UBA5: variants seen among roughly 807,000 people sequenced by gnomAD.
UBA5 encodes ubiquitin-like modifier-activating enzyme 5.
In UBA5, 28 loss-of-function variants were observed where a neutral mutation model predicts 52.9. The ratio of observed to expected loss-of-function variants is 0.53; its 90% confidence interval spans 0.39 to 0.73. The LOEUF (loss-of-function observed/expected upper bound fraction) is 0.73. Ranked by LOEUF, UBA5 falls within the 30% of genes least tolerant of loss-of-function variation. UBA5 has a pLI of 0.00. For synonymous variants in UBA5, 135 were observed against 162.1 expected, an observed-to-expected ratio of 0.83 and a Z score of 1.27; for missense variants, 388 against 492.7, an observed-to-expected ratio of 0.79 and a Z score of 2.01.
chr3:132,657,287 T>C (rs1004100260), upstream of UBA5, among the ~76,000 whole-genome samples: 2 of 152,232 alleles, frequency 1.3e-5, no homozygotes, highest in African/African-American at 2.4e-5. Flanking sequence ...CAAACTTCTA[T>C]AAATATGTGG....
chr3:132,655,318 G>GTTGT (rs746103556), intron 1 of UBA5, among the ~76,000 whole-genome samples: 1 of 150,906 alleles, frequency 6.6e-6, no homozygotes, highest in Non-Finnish European at 1.5e-5. Context: ...TTTTGTTGTT[G>GTTGT]TTGTTTGTTT....
chr3:132,675,534 T>A, intron 9 of UBA5, 71 bp from the exon 10 acceptor site: 1 of 1,524,126 alleles, frequency 6.6e-7, no homozygotes, highest in Non-Finnish European at 8.9e-7. Context: ...AAAGCCTGTC[T>A]GAATTCTTGA....
At chr3:132,670,885 G>C in intron 5 of UBA5, 80 bp from the exon 6 acceptor site, 2 of 922,954 alleles carry the variant, frequency 2.2e-6, no homozygotes, top group South Asian at 3.0e-5. Context: ...AAGAATAAGT[G>C]TTGGACTGAA....
chr3:132,666,254 A>G (rs1938375424), intron 3 of UBA5, 181 bp downstream of exon 3: 1 of 566,076 alleles, frequency 1.8e-6, no homozygotes, highest in Non-Finnish European at 3.1e-6. Flanking sequence ...ATATTAGACA[A>G]AGATTGTCTA....
Position 132,676,360 on chromosome 3 carries a change from C to G in UBA5, c.1132-83C>G. On this transcript the variant is annotated intron_variant, in intron 11 of 11. Transcript: ENST00000356232. The surrounding 1 kb of genome is among the most constrained non-coding windows in gnomAD (Gnocchi z 4.1). ...ACTTTATAACCTTGTTGAGCATGGT[C>G]AAAACTTGCTGATTATATATTCCTA... The G allele has an allele frequency of 9.0e-7, 1 of 1,117,018 alleles. No homozygotes were observed. The highest frequency in any genetic ancestry group is 1.3e-6 in the Non-Finnish European group (1 of 763,786). The allele number at this position is 1,117,018 out of a possible 1,614,324, so 69.2% of individuals were successfully genotyped here.
At chr3:132,657,105 C>A (rs1317562293), upstream of UBA5, among the ~76,000 whole-genome samples, 2 of 152,166 alleles carry the variant, frequency 1.3e-5, no homozygotes, top group Non-Finnish European at 2.9e-5. Context: ...ATAACTTACA[C>A]ATCTTCCAAA....
chr3:132,670,852 A>G (rs1463221275), intron 5 of UBA5, 113 bp from the exon 6 acceptor site: 2 of 602,298 alleles, frequency 3.3e-6, no homozygotes, highest in Non-Finnish European at 5.6e-6. Context: ...ATTATGTAAT[A>G]ATTATAGTCA....
chr3:132,661,116 G>A (rs955236624), intron 1 of UBA5: 10 of 1,246,670 alleles, frequency 8.0e-6, no homozygotes, highest in Non-Finnish European at 1.1e-5. Context: ...GGGAGAGCGG[G>A]GTTAGCTCTA....
upstream of UBA5, chr3:132,659,667 G>A (rs144740482): frequency 6.2e-7 from 1 of 1,611,824 alleles, no homozygotes; most frequent in South Asian, 1.1e-5. Flanking sequence ...TGCTGGTTTA[G>A]GTAGGCCTCC....
At chr3:132,659,503 A>C (rs1202102649), upstream of UBA5, 21 of 1,539,458 alleles carry the variant, frequency 1.4e-5, no homozygotes, top group Non-Finnish European at 1.8e-5. Flanking sequence ...CAGGAAAAGC[A>C]ATCAGGGTGG....
Position 132,671,832 on chromosome 3 carries a change from T to C in UBA5, c.635T>C (p.Val212Ala). 6.2e-7 allele frequency: 1 copy of C among 1,613,904 alleles called. No homozygotes were observed. ...GAATCTGGGGTCAGTGAAAATGCAG[T>C]TTCAGGGCATATACAGCTTATAATT... ...WMESGVSENA[V>A]SGHIQLIIPG... Residue 212 changes from valine to alanine, a missense_variant, in exon 7 of 12, where the codon GTT becomes GCT. Physicochemically the swap from Val to Ala is moderately conservative, Grantham distance 64. Around this residue, in one of 3 missense-constraint regions of UBA5, gnomAD observed 277 missense variants for 326.4 expected, o/e 0.85. Transcript: ENST00000356232.
At position 132,660,599 on chromosome 3, in the gene UBA5, A is replaced by G. The variant is rs951464930; in HGVS notation, c.62A>G (p.Gln21Arg). 6.4e-7 allele frequency: 1 copy of G among 1,554,642 alleles called. No individual in the cohort carries two copies. The highest frequency in any genetic ancestry group is 8.7e-7 in the Non-Finnish European group (1 of 1,149,344). Residue 21 changes from glutamine (Q) to arginine (R), a missense_variant, in exon 1 of 12, where the codon CAG becomes CGG. Transcript: ENST00000356232. This position sits in a 1 kb window ranked among gnomAD's most constrained non-coding sequence, Gnocchi z 4.1. The stretch of plus-strand genomic sequence containing the variant: ...CAGGAGCTGGAGCGGGAACTTGCCC[A>G]GGAGAGGAGTCTGCAGGTCCCGAGG... ...RVQELERELA[Q>R]ERSLQVPRSG... is the part of the protein sequence containing the mutation.
rs191570317 is a variant in UBA5 at position 132,661,168 on chromosome 3, G to T, written c.161+470G>T. On this transcript the variant is annotated intron_variant, in intron 1 of 11. Transcript: ENST00000356232. ...TGCTCCTTAACATCTCAAACCATTC[G>T]ACATTACCAAGACTGCCCAGGCCTC... The T allele has an allele frequency of 1.5e-5, 12 of 779,678 alleles. No individual in the cohort carries two copies. In the East Asian group the frequency reaches 6.7e-4, roughly 43 times the overall value. The allele number at this position is 779,678 out of a possible 1,614,324, so 48.3% of individuals were successfully genotyped here.
chr3:132,658,724 T>C (rs886421734), upstream of UBA5, among the ~76,000 whole-genome samples: 1 of 152,230 alleles, frequency 6.6e-6, no homozygotes, highest in African/African-American at 2.4e-5. Context: ...CATTTATTAT[T>C]ATTTTCATTT....
chr3:132,668,959 A>C, intron 4 of UBA5, 32 bp downstream of exon 4: 3 of 1,365,202 alleles, frequency 2.2e-6, no homozygotes, highest in Admixed American at 4.3e-5. Context: ...TACCATATTC[A>C]GTGAAATCTT....
chr3:132,670,322 A>T (rs947049146), intron 5 of UBA5, 38 bp downstream of exon 5: 4 of 829,278 alleles, frequency 4.8e-6, no homozygotes, highest in Non-Finnish European at 5.7e-6. Flanking sequence ...TATAATGTCC[A>T]GCTCAAGTAT....
At chr3:132,673,422 A>G (rs1195879760) in intron 8 of UBA5, among the ~76,000 whole-genome samples, 1 of 152,054 alleles carries the variant, frequency 6.6e-6, no homozygotes, top group Non-Finnish European at 1.5e-5. Flanking sequence ...GTCATGGCTC[A>G]CTGCAGCCTC....
At position 132,675,238 on chromosome 3, in the gene UBA5, A is replaced by G; in HGVS notation, c.813-10A>G. 1 of 1,565,620 alleles carries G rather than the reference A, an allele frequency of 6.4e-7. No individual in the cohort carries two copies. The highest frequency in any genetic ancestry group is 8.7e-7 in the Non-Finnish European group (1 of 1,147,988). On this transcript the variant is annotated splice_polypyrimidine_tract_variant and intron_variant, in intron 8 of 11. Coordinates refer to ENST00000356232, the MANE Select transcript of UBA5 (RefSeq NM_024818.6). ...AATTTCTTTATTTAAGTCTATTTTG[A>G]TTTTTCTAGGTTTCTGTTAAATTTT...
In UBA5 at chr3:132,675,176, T is replaced by A. The variant is rs548353922; in HGVS notation, c.813-72T>A. ...TAATTACCTATTTCAACGTTATTTT[T>A]AAAAAATTTAGGTGTTCTAGTATTT... On this transcript the variant is annotated intron_variant, in intron 8 of 11. Transcript: ENST00000356232. 5.2e-4 allele frequency: 592 copies of A among 1,136,746 alleles called. 3 individuals carry two copies. The highest frequency in any genetic ancestry group is 3.3e-3 in the Middle Eastern group (11 of 3,368). The allele number at this position is 1,136,746 out of a possible 1,614,324, so 70.4% of individuals were successfully genotyped here.
Sources: gnomAD v4.1 joint callset for allele counts (sites outside exome capture counted in the v4.1 genomes callset) on GRCh38, gnomAD v4.1.1 for gene constraint, gnomAD v4.1.1 regional missense constraint, Gnocchi (gnomAD v3.1) non-coding constraint, MANE v1.5 for transcripts, NCBI Gene and HGNC (gene_info 2026-07-23, HGNC 2026-07-21) for gene names.